HEY1: variants seen among roughly 807,000 people sequenced by gnomAD.
HEY1 encodes the protein hairy/enhancer-of-split related with YRPW motif protein 1.
In HEY1, 9 loss-of-function variants were observed where a neutral mutation model predicts 28.7. That is an observed-to-expected ratio of 0.31 (90% CI 0.19 to 0.55). The LOEUF (loss-of-function observed/expected upper bound fraction) is 0.55. Ranked by LOEUF, HEY1 falls within the 20% of genes least tolerant of loss-of-function variation. The pLI is 0.93. For missense variants in HEY1, 385 were observed against 399.4 expected (o/e 0.96, Z 0.31); for synonymous variants, 213 against 175.6 (o/e 1.21, Z -1.68).
At position 79,767,680 on chromosome 8, in the gene HEY1, T is replaced by A. The variant is rs2130492715; in HGVS notation, c.-17A>T. On this transcript the variant is annotated 5_prime_UTR_variant, in exon 1 of 5. Transcript: ENST00000354724. ...TCGCTTCATGCTGGCTCCCTGGGGG[T>A]TCCTGGGGAGGGTCGGCGCGGCGGG... 6.3e-7 allele frequency: 1 copy of A among 1,575,958 alleles called. No individual in the cohort carries two copies. The highest frequency in any genetic ancestry group is 1.4e-5 in the African/African-American group (1 of 73,738).
intron 4 of HEY1, chr8:79,766,401 A>C (rs551188639): frequency 1.4e-6 from 2 of 1,452,714 alleles, no homozygotes; most frequent in South Asian, 2.9e-5. Context: ...ACTTTTGAAG[A>C]CCTCACAAAT....
chr8:79,766,374 G>A (rs1807837184), intron 4 of HEY1: 1 of 1,463,872 alleles, frequency 6.8e-7, no homozygotes, highest in Non-Finnish European at 8.9e-7. Flanking sequence ...TACCTGATCT[G>A]AATCAGGGCT....
Position 79,765,656 on chromosome 8 carries a change from C to A in HEY1, c.447G>T (p.Pro149=). 2 of 1,614,254 alleles carry A rather than the reference C, an allele frequency of 1.2e-6. No individual in the cohort carries two copies. The highest frequency in any genetic ancestry group is 8.5e-7 in the Non-Finnish European group (1 of 1,180,040). Residue 149 remains proline (P), a synonymous_variant, in exon 5 of 5, where the codon CCG becomes CCT. Transcript: ENST00000354724. Reference sequence around the variant, plus strand: ...GATGCGAAACCAGTCGAACTCGAAGCGGGTCAGAGGCATCTAGTCCTTCAA... The same window carrying A: ...GATGCGAAACCAGTCGAACTCGAAGAGGGTCAGAGGCATCTAGTCCTTCAA... ...SIIEGLDASD[P]LRVRLVSHLN...
In HEY1 at chr8:79,765,525, G is replaced by C; in HGVS notation, c.578C>G (p.Pro193Arg). ...GTGGCCGTTCTGGGGCAGCAACAGC[G>C]GGTGCGCGATGTGCGGGTGATGTCC... Reference protein sequence around the residue: ...VFGHHPHIAHPLLLPQNGHGN... With the variant: ...VFGHHPHIAHRLLLPQNGHGN... Residue 193 changes from proline to arginine, a missense_variant, in exon 5 of 5, where the codon CCG becomes CGG. By Grantham distance (103) the Pro-to-Arg change is moderately radical (BLOSUM62 -2). Transcript: ENST00000354724. 6.2e-7 allele frequency: 1 copy of C among 1,613,838 alleles called. No individual in the cohort carries two copies. The highest frequency in any genetic ancestry group is 8.5e-7 in the Non-Finnish European group (1 of 1,179,978).
chr8:79,765,868 C>G (rs999414596), intron 4 of HEY1, 97 bp from the exon 5 acceptor site: 1 of 1,046,334 alleles, frequency 9.6e-7, no homozygotes, highest in Admixed American at 2.7e-5. Flanking sequence ...ACCTGCATCC[C>G]TTAAAACACA....
Position 79,767,713 on chromosome 8 carries a change from G to A in HEY1, c.-50C>T, listed in dbSNP as rs1692469723. On this transcript the variant is annotated 5_prime_UTR_variant, in exon 1 of 5. Transcript: ENST00000354724. ...GAGGGTCGGCGCGGCGGGCAGGGAG[G>A]AGTTAACTACAGCGGCGCCTCTCCG... is the stretch of plus-strand genomic sequence containing the variant. The A allele has an allele frequency of 1.4e-6, 2 of 1,390,936 alleles. No individual in the cohort carries two copies. Among genetic ancestry groups the A allele is most frequent in the South Asian group, 1.2e-5 (1 of 81,348 alleles). The allele number at this position is 1,390,936 out of a possible 1,614,324, so 86.2% of individuals were successfully genotyped here. A position where few individuals can be genotyped will look rare whatever the true frequency, so the allele number is the denominator to read the frequency against.
chr8:79,765,842 G>T, intron 4 of HEY1, 71 bp from the exon 5 acceptor site: 1 of 1,328,770 alleles, frequency 7.5e-7, no homozygotes, highest in Non-Finnish European at 1.0e-6. Context: ...CCCAGAGACA[G>T]CCCTTCCTGG....
Position 79,765,585 on chromosome 8 carries a change from G to A in HEY1, c.518C>T (p.Ala173Val). 1.9e-6 allele frequency: 3 copies of A among 1,614,194 alleles called. No homozygotes were observed. Among genetic ancestry groups the A allele is most frequent in the Non-Finnish European group, 1.7e-6 (2 of 1,180,046 alleles). ...SQREAASGAHAGLGHIPWGTV... is the reference protein window; with the variant it reads ...SQREAASGAHVGLGHIPWGTV... ...CCCCCAGGGAATGTGTCCGAGGCCC[G>A]CGTGGGCGCCGCTCGCGGCTTCCCG... is the stretch of plus-strand genomic sequence containing the variant. Residue 173 changes from alanine (A) to valine (V), a missense_variant, in exon 5 of 5, where the codon GCG (alanine) becomes GTG (valine). Around this residue, in one of 3 missense-constraint regions of HEY1, gnomAD observed 223 missense variants for 215.9 expected, o/e 1.03. Coordinates refer to ENST00000354724, the MANE Select transcript of HEY1 (RefSeq NM_012258.4).
intron 4 of HEY1, 100 bp from the exon 5 acceptor site, chr8:79,765,871 A>C (rs1807822049): frequency 9.9e-7 from 1 of 1,006,166 alleles, no homozygotes; most frequent in Non-Finnish European, 1.4e-6. Context: ...TGCATCCCTT[A>C]AAACACAACA....
At position 79,765,441 on chromosome 8, in the gene HEY1, G is replaced by A. The variant is rs1401015234; in HGVS notation, c.662C>T (p.Ser221Leu). ...CAAAGCAGGCGCCTCCGGATGTGCC[G>A]AGCCCAGCCTGCCCTGGTGGTGCGG... ...TEPHHQGRLG[S>L]AHPEAPALRA... The change falls in exon 5 of 5, where the codon TCG becomes TTG. Residue 221 changes from serine (S) to leucine (L), a missense_variant. Physicochemically the swap from Ser to Leu is moderately radical, Grantham distance 145. Transcript: ENST00000354724. The A allele has an allele frequency of 5.0e-6, 8 of 1,612,456 alleles. 1 individual carries two copies. The African/African-American group carries it at 6.7e-5, about 13-fold the overall frequency.
Position 79,765,437 on chromosome 8 carries a change from T to C in HEY1, c.666A>G (p.Ala222=). ...EPHHQGRLGS[A]HPEAPALRAP... ...CTCGCAAAGCAGGCGCCTCCGGATG[T>C]GCCGAGCCCAGCCTGCCCTGGTGGT... Residue 222 remains alanine (A), a synonymous_variant, in exon 5 of 5, where the codon GCA becomes GCG. Transcript: ENST00000354724. The C allele has an allele frequency of 6.2e-7, 1 of 1,612,476 alleles. No individual in the cohort carries two copies. The highest frequency in any genetic ancestry group is 8.5e-7 in the Non-Finnish European group (1 of 1,179,280).
chr8:79,766,459 G>A, intron 4 of HEY1, 192 bp downstream of exon 4: 1 of 1,492,802 alleles, frequency 6.7e-7, no homozygotes, highest in Non-Finnish European at 8.8e-7. Context: ...GCAGAGAGCT[G>A]GGGTGGTGAA....
At chr8:79,766,626 C>T in intron 4 of HEY1, 25 bp downstream of exon 4, 5 of 1,613,420 alleles carry the variant, frequency 3.1e-6, no homozygotes, top group Non-Finnish European at 3.4e-6. Flanking sequence ...CCATTCAGAG[C>T]CCCCACTAGG....
chr8:79,766,945 A>G, intron 3 of HEY1, 64 bp downstream of exon 3: 1 of 1,401,966 alleles, frequency 7.1e-7, no homozygotes, highest in Non-Finnish European at 1.0e-6. Flanking sequence ...GATGAGATTA[A>G]TGAGGGGAAG....
chr8:79,767,423 G>GGCTGGAA, intron 1 of HEY1, 129 bp from the exon 2 acceptor site: 1 of 1,124,780 alleles, frequency 8.9e-7, no homozygotes. Context: ...AGGCACCTAG[G>GGCTGGAA]GGTTCCCTGG....
intron 4 of HEY1, 154 bp downstream of exon 4, chr8:79,766,497 C>T: frequency 6.6e-7 from 1 of 1,508,030 alleles, no homozygotes; most frequent in Non-Finnish European, 8.8e-7. Flanking sequence ...TATGTGCATT[C>T]GAAAATGTAC....
At chr8:79,766,950 G>A (rs371911243) in intron 3 of HEY1, 59 bp downstream of exon 3, 5 of 1,424,514 alleles carry the variant, frequency 3.5e-6, no homozygotes, top group Non-Finnish European at 4.9e-6. Context: ...GATTAATGAG[G>A]GGAAGATTCA....
In HEY1 at chr8:79,766,703, G is replaced by A; in HGVS notation, c.279C>T (p.Ile93=). ...QGSAKLEKAE[I]LQMTVDHLKM... Reference sequence around the variant, plus strand: ...TCAGGTGATCCACGGTCATCTGCAGGATCTCGGCTTTTTCTAGCTTAGCAG... The same window carrying A: ...TCAGGTGATCCACGGTCATCTGCAGAATCTCGGCTTTTTCTAGCTTAGCAG... Residue 93 remains isoleucine (I), a synonymous_variant, in exon 4 of 5, where the codon ATC becomes ATT. Coordinates refer to ENST00000354724, the MANE Select transcript of HEY1 (RefSeq NM_012258.4). The A allele has an allele frequency of 6.2e-7, 1 of 1,614,210 alleles. No homozygotes were observed. Among genetic ancestry groups the A allele is most frequent in the African/African-American group, 1.3e-5 (1 of 75,048 alleles).
chr8:79,766,310 A>G lies in HEY1; in HGVS notation c.331+341T>C, dbSNP rs75818630. On this transcript the variant is annotated intron_variant, in intron 4 of 4. Coordinates refer to ENST00000354724, the MANE Select transcript of HEY1 (RefSeq NM_012258.4). ...AATCCCGTATACCAAAAATAAGACC[A>G]CATATTGTTTTTAAATGCTTTTTCT... The G allele has an allele frequency of 3.0e-3, 4,584 of 1,513,250 alleles. 230 individuals carry two copies. In the East Asian group the frequency reaches 0.1, roughly 33 times the overall value. The allele number at this position is 1,513,250 out of a possible 1,614,324, so 93.7% of individuals were successfully genotyped here. A position where few individuals can be genotyped will look rare whatever the true frequency, so the allele number is the denominator to read the frequency against.
Sources: allele counts gnomAD v4.1 joint callset, GRCh38; gene constraint gnomAD v4.1.1; regional missense constraint gnomAD v4.1.1; transcripts MANE v1.5; gene names NCBI Gene and HGNC (gene_info 2026-07-23, HGNC 2026-07-21).